GALNT7: variants seen among roughly 807,000 people sequenced by gnomAD.
The protein encoded by GALNT7 is polypeptide N-acetylgalactosaminyltransferase 7.
A neutral mutation model predicts 82.1 loss-of-function variants in GALNT7; 60 were observed. The observed-to-expected ratio is 0.73, with a 90% CI of 0.59 to 0.91. GALNT7 has a LOEUF of 0.91. Among genes scored for constraint, GALNT7 ranks in the 40% least tolerant of loss-of-function variants. The probability of loss-of-function intolerance (pLI) is 0.00; values close to 1 mark genes in which losing one functional copy is unlikely to be tolerated. For missense variants in GALNT7, 660 were observed against 804.2 expected, an observed-to-expected ratio of 0.82 and a Z score of 2.17; for synonymous variants, 243 against 275.1, an observed-to-expected ratio of 0.88 and a Z score of 1.15.
chr4:173,216,353 A>G (rs1279871463), intron 1 of GALNT7, among the ~76,000 whole-genome samples: 2 of 152,296 alleles, frequency 1.3e-5, no homozygotes, highest in Non-Finnish European at 1.5e-5. Flanking sequence ...CTTAAAATAG[A>G]TAAGTACAAT....
intron 3 of GALNT7, among the ~76,000 whole-genome samples, chr4:173,294,990 G>A (rs1235872417): frequency 6.6e-6 from 1 of 152,156 alleles, no homozygotes; most frequent in Non-Finnish European, 1.5e-5. Flanking sequence ...GGATTCCAGT[G>A]CAATTGTATA....
At chr4:173,282,266 G>T (rs1190415574) in intron 2 of GALNT7, among the ~76,000 whole-genome samples, 1 of 152,166 alleles carries the variant, frequency 6.6e-6, no homozygotes, top group African/African-American at 2.4e-5. Flanking sequence ...TCTTCCCTGT[G>T]CAAGTTTCTG....
intron 1 of GALNT7, among the ~76,000 whole-genome samples, chr4:173,210,850 A>G (rs971757678): frequency 6.6e-6 from 1 of 152,182 alleles, no homozygotes; most frequent in Non-Finnish European, 1.5e-5. Flanking sequence ...TTAAAATTCT[A>G]TTTCAGTGCT....
chr4:173,256,542 T>TCTCC (rs34696309), intron 2 of GALNT7, among the ~76,000 whole-genome samples: 3,022 of 150,816 alleles, frequency 0.02, 50 homozygotes, highest in Non-Finnish European at 0.034. Context: ...GCCCTCCCTC[T>TCTCC]CTCCCTCCCT....
intron 1 of GALNT7, among the ~76,000 whole-genome samples, chr4:173,172,794 G>T (rs1731917933): frequency 6.6e-6 from 1 of 152,192 alleles, no homozygotes; most frequent in African/African-American, 2.4e-5. Context: ...GATAAATATT[G>T]TTGGAACGTG....
At chr4:173,281,985 G>C (rs2126809220) in intron 2 of GALNT7, among the ~76,000 whole-genome samples, 1 of 152,312 alleles carries the variant, frequency 6.6e-6, no homozygotes, top group South Asian at 2.1e-4. Flanking sequence ...ATGGACACAA[G>C]GGTGGGGGTG....
At chr4:173,224,872 A>G (rs188015702) in intron 1 of GALNT7, among the ~76,000 whole-genome samples, 38 of 151,746 alleles carry the variant, frequency 2.5e-4, no homozygotes, top group Admixed American at 5.2e-4. Flanking sequence ...AAAATTAGCC[A>G]GGCGTGGTGG....
chr4:173,311,341 T>C (rs1383593255), intron 8 of GALNT7, among the ~76,000 whole-genome samples: 1 of 152,228 alleles, frequency 6.6e-6, no homozygotes, highest in Non-Finnish European at 1.5e-5. Context: ...TTGCAAAGAT[T>C]CAGAATGTTT....
intron 1 of GALNT7, among the ~76,000 whole-genome samples, chr4:173,201,554 T>C (rs1182914929): frequency 6.6e-6 from 1 of 152,372 alleles, no homozygotes. Flanking sequence ...TTATATATCT[T>C]ATTTCTAGAT....
chr4:173,254,506 T>C (rs1734956394), intron 2 of GALNT7, among the ~76,000 whole-genome samples: 1 of 152,230 alleles, frequency 6.6e-6, no homozygotes. Flanking sequence ...TCTTGATCCA[T>C]AGATTTCAGC....
chr4:173,234,951 G>T (rs1161202211), intron 1 of GALNT7, among the ~76,000 whole-genome samples: 1 of 152,090 alleles, frequency 6.6e-6, no homozygotes, highest in East Asian at 1.9e-4. Context: ...AGGAGATGCT[G>T]GTACCATGCT....
At chr4:173,192,503 T>C (rs1280939155) in intron 1 of GALNT7, among the ~76,000 whole-genome samples, 2 of 152,212 alleles carry the variant, frequency 1.3e-5, no homozygotes, top group Non-Finnish European at 2.9e-5. Flanking sequence ...TCTGAAAGGT[T>C]GTCTGGAGAG....
intron 1 of GALNT7, among the ~76,000 whole-genome samples, chr4:173,240,984 G>A (rs1388658881): frequency 6.6e-6 from 1 of 152,094 alleles, no homozygotes; most frequent in East Asian, 1.9e-4. Flanking sequence ...GGATTGCACT[G>A]GATGCTTGGA....
At chr4:173,206,417 G>A (rs1164307054) in intron 1 of GALNT7, among the ~76,000 whole-genome samples, 2 of 152,090 alleles carry the variant, frequency 1.3e-5, no homozygotes, top group Non-Finnish European at 2.9e-5. Flanking sequence ...ATTTCTCTTG[G>A]GTGGGGGTGA....
At chr4:173,270,842 C>A (rs1388510062) in intron 2 of GALNT7, among the ~76,000 whole-genome samples, 1 of 152,186 alleles carries the variant, frequency 6.6e-6, no homozygotes. Context: ...TTGCTTTTAG[C>A]TGCTGCAGCC....
At chr4:173,169,170 C>G (rs1205346632) in intron 1 of GALNT7, 1 of 215,272 alleles carries the variant, frequency 4.6e-6, no homozygotes, top group Non-Finnish European at 9.0e-6. Context: ...CCTCGCCGCC[C>G]CTTCCTCCGC....
At chr4:173,295,327 C>T (rs1434716821) in intron 3 of GALNT7, 69 bp from the exon 4 acceptor site, 10 of 1,125,620 alleles carry the variant, frequency 8.9e-6, no homozygotes, top group Admixed American at 7.2e-5. Flanking sequence ...TTCTTGTTTC[C>T]TGAGAAAAAT....
intron 2 of GALNT7, among the ~76,000 whole-genome samples, chr4:173,291,166 G>A (rs1736518089): frequency 6.6e-6 from 1 of 152,128 alleles, no homozygotes; most frequent in Admixed American, 6.5e-5. Flanking sequence ...TTCTCACCCA[G>A]TTCTGCTGTT....
intron 9 of GALNT7, chr4:173,316,630 A>C (rs1737615256): frequency 6.6e-6 from 1 of 152,170 alleles, no homozygotes; most frequent in Admixed American, 6.5e-5. Flanking sequence ...CAGGTACTTA[A>C]TATTTGATGA....
Sources: gnomAD v4.1 joint callset for allele counts (sites outside exome capture counted in the v4.1 genomes callset) on GRCh38, gnomAD v4.1.1 for gene constraint, MANE v1.5 for transcripts, NCBI Gene and HGNC (gene_info 2026-07-23, HGNC 2026-07-21) for gene names.